The following PDE1C variants were observed in gnomAD, a reference collection of about 807,000 sequenced individuals.
The protein encoded by PDE1C is dual specificity calcium/calmodulin-dependent 3',5'-cyclic nucleotide phosphodiesterase 1C.
Under a neutral mutation model 93.1 loss-of-function variants are expected in PDE1C, and 62 were observed. The observed-to-expected ratio is 0.67, with a 90% CI of 0.54 to 0.82. The LOEUF is 0.82. Ranked by LOEUF, PDE1C falls within the 40% of genes least tolerant of loss-of-function variation. The pLI is 0.00. For synonymous variants in PDE1C, 325 were observed against 310.1 expected (o/e 1.05, Z -0.50); for missense variants, 742 against 884.6 (o/e 0.84, Z 2.04).
Position 31,900,998 on chromosome 7 carries a change from G to A in PDE1C, c.129-20138C>T, listed in dbSNP as rs969410132. On this transcript the variant is annotated intron_variant, in intron 2 of 17. Transcript: ENST00000396191. Reference sequence around the variant, plus strand: ...TTTAAACAATTACATAGTAAACCAGGAATTTAATGACTTTTTTAAATGATA... The same window carrying A: ...TTTAAACAATTACATAGTAAACCAGAAATTTAATGACTTTTTTAAATGATA... Among the ~76,000 whole-genome samples, 4 of 151,620 alleles carry A rather than the reference G, an allele frequency of 2.6e-5. No individual in the cohort carries two copies. In the South Asian group the frequency reaches 6.2e-4, roughly 24 times the overall value.
At chr7:31,712,938 A>G in the PDE1C span, among the ~76,000 whole-genome samples, 1 of 152,154 alleles carries the variant, frequency 6.6e-6, no homozygotes, top group Admixed American at 6.5e-5. Flanking sequence ...CCCTCCCACA[A>G]CATGTGGGAA....
intron 8 of PDE1C, among the ~76,000 whole-genome samples, chr7:31,849,832 C>T (rs979574724): frequency 1.6e-4 from 24 of 152,170 alleles, no homozygotes; most frequent in Admixed American, 1.1e-3. Context: ...TAAGAGAGGG[C>T]AAGTTCTTAG....
At chr7:32,306,784 G>A (rs954085145) in intron 1 of PDE1C, among the ~76,000 whole-genome samples, 1 of 152,190 alleles carries the variant, frequency 6.6e-6, no homozygotes, top group Admixed American at 6.5e-5. Context: ...ACCTTCTCCT[G>A]TAAGGAGTGG....
At chr7:31,682,062 C>A in the PDE1C span, among the ~76,000 whole-genome samples, 7 of 152,184 alleles carry the variant, frequency 4.6e-5, no homozygotes, top group Non-Finnish European at 1.0e-4. Context: ...TCTACCAATT[C>A]TTAGCTGTCT....
At chr7:32,053,971 G>A (rs1221987041) in intron 1 of PDE1C, among the ~76,000 whole-genome samples, 5 of 151,894 alleles carry the variant, frequency 3.3e-5, no homozygotes, top group African/African-American at 7.3e-5. Flanking sequence ...AAATATGGAA[G>A]TATACAGCAA....
At chr7:31,664,988 G>A in the PDE1C span, among the ~76,000 whole-genome samples, 1 of 152,102 alleles carries the variant, frequency 6.6e-6, no homozygotes, top group Non-Finnish European at 1.5e-5. Context: ...ATTTAAAATG[G>A]AATCTCCACT....
At chr7:31,961,654 G>T (rs1808992751) in intron 2 of PDE1C, among the ~76,000 whole-genome samples, 1 of 152,054 alleles carries the variant, frequency 6.6e-6, no homozygotes, top group Non-Finnish European at 1.5e-5. Flanking sequence ...GGATCATGCT[G>T]GGATCTGCTA....
At chr7:31,941,617 A>C (rs1390797611) in intron 2 of PDE1C, 1 of 150,594 alleles carries the variant, frequency 6.6e-6, no homozygotes, top group East Asian at 2.0e-4. Flanking sequence ...ATATGGCAAT[A>C]ACAAGTATTT....
intron 3 of PDE1C, among the ~76,000 whole-genome samples, chr7:32,088,995 G>A (rs1308695228): frequency 6.6e-6 from 1 of 152,154 alleles, no homozygotes; most frequent in Non-Finnish European, 1.5e-5. Context: ...GGGACCCATG[G>A]CTGACATATT....
the PDE1C span, among the ~76,000 whole-genome samples, chr7:31,665,956 C>T: frequency 6.6e-6 from 1 of 152,150 alleles, no homozygotes; most frequent in South Asian, 2.1e-4. Context: ...GCCACCTGCA[C>T]TATTGTTTCT....
At chr7:31,685,389 A>G in the PDE1C span, among the ~76,000 whole-genome samples, 2 of 152,210 alleles carry the variant, frequency 1.3e-5, no homozygotes, top group African/African-American at 4.8e-5. Flanking sequence ...TAGTTTCATA[A>G]GATGTTACCA....
At chr7:31,706,110 T>A in the PDE1C span, among the ~76,000 whole-genome samples, 1 of 148,204 alleles carries the variant, frequency 6.7e-6, no homozygotes, top group Non-Finnish European at 1.5e-5. Flanking sequence ...ATTCAAGGGA[T>A]TCTTCTGTCT....
chr7:31,617,338 AG>A, the PDE1C span, among the ~76,000 whole-genome samples: 2 of 152,212 alleles, frequency 1.3e-5, no homozygotes, highest in African/African-American at 4.8e-5. Context: ...TTAAAGAATA[AG>A]TGTTAAATTT....
chr7:31,861,581 T>A (rs1309659780), intron 7 of PDE1C, among the ~76,000 whole-genome samples: 1 of 152,092 alleles, frequency 6.6e-6, no homozygotes, highest in Non-Finnish European at 1.5e-5. Context: ...GGCATTCTTG[T>A]CAACTGTTTA....
chr7:32,269,898 C>T (rs572118482), intron 1 of PDE1C, among the ~76,000 whole-genome samples: 5 of 152,184 alleles, frequency 3.3e-5, no homozygotes, highest in African/African-American at 1.2e-4. Flanking sequence ...CTCAACCTCC[C>T]GAGTAGCTAG....
intron 2 of PDE1C, among the ~76,000 whole-genome samples, chr7:32,019,210 G>A (rs186125068): frequency 6.6e-6 from 1 of 150,562 alleles, no homozygotes; most frequent in Non-Finnish European, 1.5e-5. Context: ...GAAGCACAAG[G>A]CTGCGTGGTA....
chr7:31,895,683 C>A (rs1799212411), intron 2 of PDE1C, among the ~76,000 whole-genome samples: 1 of 151,692 alleles, frequency 6.6e-6, no homozygotes, highest in African/African-American at 2.4e-5. Context: ...ATAATCCCCA[C>A]ATGTCAAGGG....
intron 11 of PDE1C, among the ~76,000 whole-genome samples, chr7:31,832,954 C>T (rs1790602567): frequency 1.3e-5 from 2 of 152,140 alleles, no homozygotes; most frequent in African/African-American, 4.8e-5. Flanking sequence ...ATACTCCTAG[C>T]TGTAGAGGGT....
chr7:31,719,021 A>G, the PDE1C span, among the ~76,000 whole-genome samples: 1 of 152,176 alleles, frequency 6.6e-6, no homozygotes, highest in African/African-American at 2.4e-5. Flanking sequence ...AGGCTGAGAG[A>G]CAGCCAGGAC....
Sources: allele counts gnomAD v4.1 joint callset (sites outside exome capture counted in the v4.1 genomes callset), GRCh38; gene constraint gnomAD v4.1.1; transcripts MANE v1.5; gene names NCBI Gene and HGNC (gene_info 2026-07-23, HGNC 2026-07-21).